Variants in NBEAL1 observed in about 807,000 individuals in gnomAD.
The protein encoded by NBEAL1 is neurobeachin-like protein 1.
A neutral mutation model predicts 351.3 loss-of-function variants in NBEAL1; 273 were observed. The observed-to-expected ratio is 0.78, with a 90% CI of 0.70 to 0.86. The LOEUF is 0.86. NBEAL1 is among the 40% of genes least tolerant of loss of function. The probability of loss-of-function intolerance (pLI) is 0.00; values close to 1 mark genes in which losing one functional copy is unlikely to be tolerated. For synonymous variants in NBEAL1, 1,050 were observed against 1,086.4 expected (o/e 0.97, Z 0.66); for missense variants, 2,961 against 3,201.3 (o/e 0.92, Z 1.81).
intron 24 of NBEAL1, among the ~76,000 whole-genome samples, chr2:203,128,209 C>G (rs1017601154): frequency 6.6e-6 from 1 of 151,392 alleles, no homozygotes; most frequent in Admixed American, 6.6e-5. Flanking sequence ...GCCTCAGCCC[C>G]CTGAGTAGCT....
chr2:203,018,169 A>G (rs2060711056), intron 2 of NBEAL1, among the ~76,000 whole-genome samples: 1 of 151,680 alleles, frequency 6.6e-6, no homozygotes, highest in Non-Finnish European at 1.5e-5. Context: ...CAAATACTGT[A>G]CCCAGTTGTT....
chr2:203,077,078 G>C (rs2106150773), intron 7 of NBEAL1, among the ~76,000 whole-genome samples: 1 of 151,894 alleles, frequency 6.6e-6, no homozygotes, highest in African/African-American at 2.4e-5. Flanking sequence ...TTATTTTTTA[G>C]AGGCTATACA....
intron 12 of NBEAL1, among the ~76,000 whole-genome samples, chr2:203,102,636 A>G (rs1460503869): frequency 1.3e-5 from 2 of 152,226 alleles, no homozygotes; most frequent in Admixed American, 1.3e-4. Flanking sequence ...TTGAACCAAC[A>G]TTGCATCCCA....
At chr2:203,175,043 A>T in intron 41 of NBEAL1, 104 bp from the exon 42 acceptor site, 1 of 1,011,662 alleles carries the variant, frequency 9.9e-7, no homozygotes, top group East Asian at 2.5e-5. Context: ...ATGAAGAAGG[A>T]TGGACTTTTT....
rs374848222 is a variant in NBEAL1, at chr2:203,057,392, G to A, written c.454G>A (p.Ala152Thr). 7.1e-6 allele frequency: 11 copies of A among 1,552,130 alleles called. No individual in the cohort carries two copies. The African/African-American group carries it at 8.2e-5, about 12-fold the overall frequency. Residue 152 changes from alanine to threonine, a missense_variant, in exon 6 of 56, where the codon GCA (alanine) becomes ACA (threonine). Coordinates refer to ENST00000683969, the MANE Select transcript of NBEAL1 (RefSeq NM_001378026.1). The stretch of plus-strand genomic sequence containing the variant: ...ATGTATTGAAGAATTTGTGATCCAC[G>A]CATTGGCATTTTGTGAAAGCTTATA... ...QTCIEEFVIH[A>T]LAFCESLYDP...
At chr2:203,105,513 G>T (rs1333333427) in intron 12 of NBEAL1, among the ~76,000 whole-genome samples, 1 of 151,832 alleles carries the variant, frequency 6.6e-6, no homozygotes, top group African/African-American at 2.4e-5. Context: ...CTTCTGGCTT[G>T]TATGGGTTTC....
rs2065966232 is a variant in NBEAL1, at chr2:203,222,842, C to T, written c.*5488C>T. Among the ~76,000 whole-genome samples the T allele has an allele frequency of 6.6e-6, 1 of 152,150 alleles. No homozygotes were observed. Among genetic ancestry groups the T allele is most frequent in the African/African-American group, 2.4e-5 (1 of 41,448 alleles). ...GTAAATTATCTACTACTTCCAATGACTTTTGCAGGTACAGCCTCTGTATGG... is the reference window on the plus strand; with the variant it reads ...GTAAATTATCTACTACTTCCAATGATTTTTGCAGGTACAGCCTCTGTATGG... On this transcript the variant is annotated 3_prime_UTR_variant, in exon 56 of 56. Coordinates refer to ENST00000683969, the MANE Select transcript of NBEAL1 (RefSeq NM_001378026.1).
chr2:203,066,445 A>G (rs572193981), intron 6 of NBEAL1, among the ~76,000 whole-genome samples: 11 of 152,174 alleles, frequency 7.2e-5, no homozygotes, highest in Non-Finnish European at 1.6e-4. Flanking sequence ...TTCTTAGTAC[A>G]GAACAAAATG....
At chr2:203,173,822 C>T (rs1042644703) in intron 41 of NBEAL1, among the ~76,000 whole-genome samples, 1 of 151,972 alleles carries the variant, frequency 6.6e-6, no homozygotes, top group African/African-American at 2.4e-5. Context: ...ATGGCTTTGA[C>T]CTGAAAACTT....
At chr2:203,136,540 GA>G (rs2063213378) in intron 28 of NBEAL1, 58 bp from the exon 29 acceptor site, 5 of 1,231,160 alleles carry the variant, frequency 4.1e-6, no homozygotes, top group Non-Finnish European at 5.7e-6. Flanking sequence ...TGGTTCTTAT[GA>G]TGTGCTTTGA....
At chr2:203,208,581 T>A in intron 51 of NBEAL1, 56 bp from the exon 52 acceptor site, 1 of 1,271,364 alleles carries the variant, frequency 7.9e-7, no homozygotes, top group South Asian at 1.3e-5. Flanking sequence ...ATAAACCTTG[T>A]GAAAAACAGG....
At position 203,175,219 on chromosome 2, in the gene NBEAL1, G is replaced by A. The variant is rs200940176; in HGVS notation, c.6396G>A (p.Ala2132=). The change falls in exon 42 of 56, where the codon GCG becomes GCA. Residue 2132 remains alanine, a synonymous_variant. Transcript: ENST00000683969. ...ATGGTACTCACTATTCAAATTCTGCGGGGGTCATGCACTATCTCATTCGTG... is the reference window on the plus strand; with the variant it reads ...ATGGTACTCACTATTCAAATTCTGCAGGGGTCATGCACTATCTCATTCGTG... ...FHYGTHYSNS[A]GVMHYLIRVE... The A allele has an allele frequency of 4.2e-5, 68 of 1,613,622 alleles. No homozygotes were observed. In the African/African-American group the frequency reaches 6.1e-4, roughly 15 times the overall value.
In NBEAL1 at chr2:203,202,132, A is replaced by G. The variant is rs539001212; in HGVS notation, c.7411+417A>G. On this transcript the variant is annotated intron_variant, in intron 50 of 55. Transcript: ENST00000683969. ...ACTTCTTAGTGTATTAGTCTTCAAT[A>G]TAAGAATAAAACATTGAGTAGGTTT... is the stretch of plus-strand genomic sequence containing the variant. Among the ~76,000 whole-genome samples, 9 of 152,356 alleles carry G rather than the reference A, an allele frequency of 5.9e-5. No individual in the cohort carries two copies. In the East Asian group the frequency reaches 9.6e-4, roughly 16 times the overall value.
chr2:203,138,386 C>A (rs2063276844), intron 30 of NBEAL1, 71 bp downstream of exon 30: 3 of 1,427,920 alleles, frequency 2.1e-6, no homozygotes, highest in Non-Finnish European at 9.6e-7. Context: ...ATTTTGCACC[C>A]CCTCTTTTTA....
chr2:203,163,843 A>C (rs1171314101), intron 36 of NBEAL1, among the ~76,000 whole-genome samples: 2 of 152,012 alleles, frequency 1.3e-5, no homozygotes, highest in African/African-American at 2.4e-5. Context: ...ATCATTCTCG[A>C]TGTGGTTTTA....
chr2:203,134,780 C>T (rs2063159886), intron 27 of NBEAL1, among the ~76,000 whole-genome samples: 1 of 152,198 alleles, frequency 6.6e-6, no homozygotes, highest in South Asian at 2.1e-4. Context: ...TGGCATCCAT[C>T]TTGCTGAAAT....
At chr2:203,103,279 C>CTT (rs945128736) in intron 12 of NBEAL1, among the ~76,000 whole-genome samples, 1 of 144,558 alleles carries the variant, frequency 6.9e-6, no homozygotes, top group African/African-American at 2.5e-5. Flanking sequence ...TTTTGTATTT[C>CTT]TTTTTTTTTT....
chr2:203,058,594 G>A (rs1325792255), intron 6 of NBEAL1, among the ~76,000 whole-genome samples: 13 of 152,100 alleles, frequency 8.5e-5, no homozygotes, highest in Non-Finnish European at 5.9e-5. Context: ...GCTCATTCTG[G>A]GATTGCCAAA....
chr2:203,111,850 A>G, intron 15 of NBEAL1, 129 bp from the exon 16 acceptor site: 2 of 1,077,624 alleles, frequency 1.9e-6, no homozygotes. Flanking sequence ...GAGAACATCA[A>G]TTTAACATTT....
Sources: gnomAD v4.1 joint callset for allele counts (sites outside exome capture counted in the v4.1 genomes callset) on GRCh38, gnomAD v4.1.1 for gene constraint, MANE v1.5 for transcripts, NCBI Gene and HGNC (gene_info 2026-07-23, HGNC 2026-07-21) for gene names.